PPP3CA: variants seen among roughly 807,000 people sequenced by gnomAD.
The protein encoded by PPP3CA is CAM-PRP catalytic subunit.
PPP3CA carries 14 observed loss-of-function variants against 66.5 expected under a neutral mutation model. The observed-to-expected ratio is 0.21, with a 90% CI of 0.14 to 0.33. PPP3CA has a LOEUF of 0.33. Among genes scored for constraint, PPP3CA ranks in the 10% least tolerant of loss-of-function variants. The pLI is 1.00. For missense variants in PPP3CA, 317 were observed against 639.5 expected, an observed-to-expected ratio of 0.50 and a Z score of 5.44; for synonymous variants, 232 against 226.2, an observed-to-expected ratio of 1.03 and a Z score of -0.23.
chr4:101,169,763 T>C (rs990737493), intron 2 of PPP3CA, among the ~76,000 whole-genome samples: 5 of 151,896 alleles, frequency 3.3e-5, no homozygotes, highest in African/African-American at 9.7e-5. Context: ...CTGACTCTTA[T>C]GTGATGACTT....
Position 101,026,067 on chromosome 4 carries a change from CAG to C in PPP3CA, c.1370-8_1370-7del. 6.4e-7 allele frequency: 1 copy of C among 1,572,622 alleles called. No homozygotes were observed. The highest frequency in any genetic ancestry group is 8.6e-7 in the Non-Finnish European group (1 of 1,160,658). On this transcript the variant is annotated splice_polypyrimidine_tract_variant and splice_region_variant and intron_variant, in intron 13 of 13. Coordinates refer to ENST00000394854, the MANE Select transcript of PPP3CA (RefSeq NM_000944.5). The stretch of plus-strand genomic sequence containing the variant: ...TGGTGAAAATCCTTTGATAGCTAAA[CAG>C]AAAATCATTAAAAAAAGAAAACCAG...
chr4:101,250,470 T>C (rs758834533), intron 1 of PPP3CA: 19 of 385,878 alleles, frequency 4.9e-5, no homozygotes, highest in Admixed American at 2.6e-4. Flanking sequence ...GGTAAACTTA[T>C]GTGAAGCTCT....
At chr4:101,301,651 A>C (rs1303568120) in intron 1 of PPP3CA, among the ~76,000 whole-genome samples, 1 of 148,624 alleles carries the variant, frequency 6.7e-6, no homozygotes, top group Non-Finnish European at 1.5e-5. Flanking sequence ...TTGCCACCAC[A>C]CCTGGTTAAT....
In PPP3CA at chr4:101,298,841, CTGTGTGTGTGTGTGTGTGTGTG is replaced by C. The variant is rs57507050; in HGVS notation, c.58+47876_58+47897del. Among the ~76,000 whole-genome samples the C allele has an allele frequency of 8.0e-4, 112 of 140,088 alleles. 1 individual carries two copies. In the South Asian group the frequency reaches 0.014, roughly 18 times the overall value. The allele number at this position is 140,088 out of a possible 152,430, so 91.9% of individuals were successfully genotyped here. A position where few individuals can be genotyped will look rare whatever the true frequency, so the allele number is the denominator to read the frequency against. On this transcript the variant is annotated intron_variant, in intron 1 of 13. Coordinates refer to ENST00000394854, the MANE Select transcript of PPP3CA (RefSeq NM_000944.5). ...AGTCCCCAAATTGTTCAAGGGTCTA[CTGTGTGTGTGTGTGTGTGTGTG>C]TGTGTGTGTGTGTGTGTGTGTGTAT... is the stretch of plus-strand genomic sequence containing the variant.
intron 1 of PPP3CA, among the ~76,000 whole-genome samples, chr4:101,278,290 A>G (rs887251057): frequency 6.6e-6 from 1 of 152,148 alleles, no homozygotes; most frequent in Admixed American, 6.5e-5. Flanking sequence ...AATTTTATTT[A>G]AAGATTGCTT....
intron 10 of PPP3CA, 31 bp downstream of exon 10, chr4:101,061,056 T>G (rs144034791): frequency 6.4e-7 from 1 of 1,563,124 alleles, no homozygotes; most frequent in African/African-American, 1.4e-5. Context: ...ATCTGGCAAA[T>G]AGCATTAGCA....
intron 2 of PPP3CA, among the ~76,000 whole-genome samples, chr4:101,150,750 C>T (rs1560628167): frequency 6.6e-6 from 1 of 152,164 alleles, no homozygotes. Flanking sequence ...CTCTACAGAG[C>T]ATCCTCTGAT....
chr4:101,220,298 C>CT (rs1359059287), intron 1 of PPP3CA, among the ~76,000 whole-genome samples: 12 of 40,250 alleles, frequency 3.0e-4, no homozygotes, highest in African/African-American at 1.6e-3. Flanking sequence ...CTTGACAGCA[C>CT]GTTTTTTTTT....
At chr4:101,160,098 A>G (rs1459888851) in intron 2 of PPP3CA, among the ~76,000 whole-genome samples, 1 of 151,536 alleles carries the variant, frequency 6.6e-6, no homozygotes, top group Non-Finnish European at 1.5e-5. Context: ...AATAGAAAGT[A>G]AAATATAAAA....
At chr4:101,239,761 A>T (rs929814379) in intron 1 of PPP3CA, among the ~76,000 whole-genome samples, 12 of 152,188 alleles carry the variant, frequency 7.9e-5, no homozygotes, top group African/African-American at 2.9e-4. Flanking sequence ...CAGTAATAAA[A>T]GTTGAGAGCT....
chr4:101,175,541 A>G (rs1033961820), intron 2 of PPP3CA, among the ~76,000 whole-genome samples: 4 of 152,134 alleles, frequency 2.6e-5, no homozygotes, highest in African/African-American at 9.7e-5. Context: ...GCAATGCTGT[A>G]TTATAACTCT....
chr4:101,073,867 CA>C (rs1729031124), intron 8 of PPP3CA, among the ~76,000 whole-genome samples: 1 of 151,934 alleles, frequency 6.6e-6, no homozygotes, highest in Non-Finnish European at 1.5e-5. Flanking sequence ...TAGAAAGTAC[CA>C]AATATACTGC....
chr4:101,342,790 C>T lies in PPP3CA; in HGVS notation c.58+3949G>A, dbSNP rs118126644. Among the ~76,000 whole-genome samples the T allele has an allele frequency of 5.9e-5, 9 of 152,260 alleles. No homozygotes were observed. In the East Asian group the frequency reaches 1.5e-3, roughly 26 times the overall value. ...CACAAATAAATGACATTATTTACTA[C>T]TCTGTTGCATCAAGGTCTAAACACG... is the stretch of plus-strand genomic sequence containing the variant. On this transcript the variant is annotated intron_variant, in intron 1 of 13. Coordinates refer to ENST00000394854, the MANE Select transcript of PPP3CA (RefSeq NM_000944.5).
intron 11 of PPP3CA, among the ~76,000 whole-genome samples, chr4:101,035,447 G>C (rs559756077): frequency 6.6e-6 from 1 of 152,258 alleles, no homozygotes; most frequent in East Asian, 1.9e-4. Flanking sequence ...TGTACCAACA[G>C]TAGGAAGATC....
At chr4:101,186,619 C>A (rs1724417826) in intron 2 of PPP3CA, among the ~76,000 whole-genome samples, 1 of 152,002 alleles carries the variant, frequency 6.6e-6, no homozygotes, top group Non-Finnish European at 1.5e-5. Context: ...ACTGATAGCG[C>A]AAAATATGTT....
intron 8 of PPP3CA, among the ~76,000 whole-genome samples, chr4:101,068,883 A>G (rs1257102476): frequency 6.6e-6 from 1 of 152,194 alleles, no homozygotes; most frequent in African/African-American, 2.4e-5. Flanking sequence ...TATGTGTTCA[A>G]GTCACTTATG....
intron 2 of PPP3CA, among the ~76,000 whole-genome samples, chr4:101,194,206 T>C (rs978642033): frequency 6.6e-6 from 1 of 152,072 alleles, no homozygotes; most frequent in African/African-American, 2.4e-5. Context: ...AAAAATAGCA[T>C]TGCCAGACAA....
intron 13 of PPP3CA, among the ~76,000 whole-genome samples, chr4:101,026,815 T>C (rs151334546): frequency 6.6e-6 from 1 of 152,296 alleles, no homozygotes; most frequent in African/African-American, 2.4e-5. Context: ...GATGTTCATC[T>C]GGTATCCATT....
chr4:101,225,200 C>T (rs1725742779), intron 1 of PPP3CA, among the ~76,000 whole-genome samples: 1 of 151,790 alleles, frequency 6.6e-6, no homozygotes, highest in South Asian at 2.1e-4. Flanking sequence ...CCCATACAAT[C>T]ACTATTTGAT....
Sources: allele counts gnomAD v4.1 joint callset (sites outside exome capture counted in the v4.1 genomes callset), GRCh38; gene constraint gnomAD v4.1.1; transcripts MANE v1.5; gene names NCBI Gene and HGNC (gene_info 2026-07-23, HGNC 2026-07-21).